Variants in REST observed in about 807,000 individuals in gnomAD.
REST encodes the protein RE1 silencing transcription factor.
A neutral mutation model predicts 30.4 loss-of-function variants in REST; 1 was observed. The observed-to-expected ratio is 0.03, with a 90% confidence interval of 0.01 to 0.16. The LOEUF is 0.16. Ranked by LOEUF, REST falls within the 10% of genes least tolerant of loss-of-function variation. REST has a pLI of 1.00. For synonymous variants in REST, 504 were observed against 451.1 expected, an observed-to-expected ratio of 1.12 and a Z score of -1.49; for missense variants, 1,259 against 1,329.5, an observed-to-expected ratio of 0.95 and a Z score of 0.82.
In REST at chr4:56,933,028, T is replaced by C. The variant is rs968315742; in HGVS notation, c.*876T>C. ...TTTGTGAGCAAATGAAATATGCAGG[T>C]TCAATCTATTGATTTTGATTTTTAC... On this transcript the variant is annotated 3_prime_UTR_variant, in exon 4 of 4. Coordinates refer to ENST00000309042, the MANE Select transcript of REST (RefSeq NM_005612.5). The C allele has an allele frequency of 6.6e-6, 1 of 152,114 alleles. No homozygotes were observed. The highest frequency in any genetic ancestry group is 1.5e-5 in the Non-Finnish European group (1 of 68,024). 9.4% of individuals were successfully genotyped at this position (152,114 alleles called of 1,614,324 possible).
At chr4:56,920,437 G>T (rs1220717280) in intron 3 of REST, among the ~76,000 whole-genome samples, 4 of 151,350 alleles carry the variant, frequency 2.6e-5, no homozygotes, top group Non-Finnish European at 5.9e-5. Context: ...GTCCACTCCA[G>T]TGACTGAAAC....
intron 2 of REST, among the ~76,000 whole-genome samples, chr4:56,916,692 CAA>C (rs1164147038): frequency 5.9e-5 from 9 of 152,116 alleles, no homozygotes; most frequent in African/African-American, 2.2e-4. Flanking sequence ...TTTGATTCTT[CAA>C]GTTTATCTGC....
intron 3 of REST, among the ~76,000 whole-genome samples, chr4:56,922,761 G>A (rs1036717481): frequency 1.3e-5 from 2 of 152,032 alleles, no homozygotes; most frequent in African/African-American, 4.8e-5. Flanking sequence ...TTCTGGATAT[G>A]TCCACTTGTT....
At position 56,932,115 on chromosome 4, in the gene REST, T is replaced by G; in HGVS notation, c.3257T>G (p.Val1086Gly). The change falls in exon 4 of 4, where the codon GTG becomes GGG. Residue 1086 changes from valine to glycine, a missense_variant. Coordinates refer to ENST00000309042, the MANE Select transcript of REST (RefSeq NM_005612.5). ...CACCTCAATCGCCATTTGGTTAATGTGTACTATCTTGAAGAAGCAGCTCAA... is the reference window on the plus strand; with the variant it reads ...CACCTCAATCGCCATTTGGTTAATGGGTACTATCTTGAAGAAGCAGCTCAA... The part of the protein sequence containing the change: ...SKHLNRHLVN[V>G]YYLEEAAQGQ... The G allele has an allele frequency of 6.2e-7, 1 of 1,613,288 alleles. No individual in the cohort carries two copies. The highest frequency in any genetic ancestry group is 8.5e-7 in the Non-Finnish European group (1 of 1,179,376).
intron 3 of REST, chr4:56,927,700 T>G: frequency 9.3e-7 from 1 of 1,071,266 alleles, no homozygotes; most frequent in Non-Finnish European, 1.2e-6. Context: ...CTCTTATGCC[T>G]TTAATTTGGG....
rs898034452 is a variant in REST, at chr4:56,932,726, A to C, written c.*574A>C. 6.6e-6 allele frequency: 1 copy of C among 152,154 alleles called. No individual in the cohort carries two copies. The highest frequency in any genetic ancestry group is 2.4e-5 in the African/African-American group (1 of 41,416). 9.4% of individuals were successfully genotyped at this position (152,154 alleles called of 1,614,324 possible). On this transcript the variant is annotated 3_prime_UTR_variant, in exon 4 of 4. Transcript: ENST00000309042. ...TGTGTATGTTAATCGTCATAAAAAC[A>C]GTGATTTTGGTGTGTTTTTTATTTT...
Position 56,919,276 on chromosome 4 carries a change from A to G in REST, c.899-511A>G, listed in dbSNP as rs1282426817. Among the ~76,000 whole-genome samples the G allele has an allele frequency of 2.6e-5, 4 of 152,128 alleles. No individual in the cohort carries two copies. The East Asian group carries it at 5.8e-4, about 22-fold the overall frequency. ...GTTGCCCAGGCTGGTCTGGAACTCT[A>G]CCACTTGAAAATTTTTAGCATAAAG... On this transcript the variant is annotated intron_variant, in intron 2 of 3. Transcript: ENST00000309042.
rs1281502988 is a variant in REST, at chr4:56,933,855, ATT to A, written c.*1708_*1709del. On this transcript the variant is annotated 3_prime_UTR_variant, in exon 4 of 4. Transcript: ENST00000309042. ...TTTTGAAATAACCACTTTATATTTC[ATT>A]TTTTAAAAATCTGATGATCTCTTTG... is the stretch of plus-strand genomic sequence containing the variant. 1 of 152,198 alleles carries A rather than the reference ATT, an allele frequency of 6.6e-6. No homozygotes were observed. The highest frequency in any genetic ancestry group is 1.5e-5 in the Non-Finnish European group (1 of 68,032). 9.4% of individuals were successfully genotyped at this position (152,198 alleles called of 1,614,324 possible).
chr4:56,911,028 T>C lies in REST; in HGVS notation c.390T>C (p.Ala130=), dbSNP rs767932145. The C allele has an allele frequency of 6.2e-7, 1 of 1,614,138 alleles. No individual in the cohort carries two copies. Among genetic ancestry groups the C allele is most frequent in the South Asian group, 1.1e-5 (1 of 91,086 alleles). ...AGCCTGTATTTGAGGCATCAGGTGC[T>C]CCAGATATTTACAGTTCAAATAAAG... ...EPQPVFEASG[A]PDIYSSNKDL... Residue 130 remains alanine, a synonymous_variant, in exon 2 of 4, where the codon GCT becomes GCC. Transcript: ENST00000309042.
At chr4:56,914,260 T>C (rs1009603677) in intron 2 of REST, among the ~76,000 whole-genome samples, 3 of 152,188 alleles carry the variant, frequency 2.0e-5, no homozygotes, top group Non-Finnish European at 2.9e-5. Flanking sequence ...TATTTACTTA[T>C]TTTTTATATC....
At chr4:56,909,563 T>C (rs1443275402) in intron 1 of REST, 1 of 152,286 alleles carries the variant, frequency 6.6e-6, no homozygotes, top group Non-Finnish European at 1.5e-5. Context: ...TTTTCTGTGA[T>C]GGCATTTGCT....
intron 2 of REST, among the ~76,000 whole-genome samples, chr4:56,912,998 A>C (rs1353639849): frequency 6.7e-6 from 1 of 148,794 alleles, no homozygotes; most frequent in Non-Finnish European, 1.5e-5. Context: ...GGGTCTCACT[A>C]TGTTGCCCAG....
intron 3 of REST, among the ~76,000 whole-genome samples, chr4:56,923,767 G>C (rs1274261536): frequency 2.0e-5 from 3 of 151,672 alleles, no homozygotes; most frequent in African/African-American, 7.3e-5. Flanking sequence ...TGTCGCCCAG[G>C]CTGGAGTGCA....
rs1181877521 is a variant in REST at position 56,931,155 on chromosome 4, C to G, written c.2297C>G (p.Ser766Cys). 1 of 1,608,104 alleles carries G rather than the reference C, an allele frequency of 6.2e-7. No homozygotes were observed. Among genetic ancestry groups the G allele is most frequent in the Non-Finnish European group, 8.5e-7 (1 of 1,175,410 alleles). Residue 766 changes from serine to cysteine, a missense_variant, in exon 4 of 4, where the codon TCT becomes TGT. Coordinates refer to ENST00000309042, the MANE Select transcript of REST (RefSeq NM_005612.5). The stretch of plus-strand genomic sequence containing the variant: ...AAGGAACCTGTTAAGATAGAGCTGT[C>G]TCCTCCCATAGAGGTGGTCCAGAAG... ...VQKEPVKIEL[S>C]PPIEVVQKEP... is the part of the protein sequence containing the mutation.
At position 56,931,398 on chromosome 4, in the gene REST, A is replaced by G. The variant is rs181578247; in HGVS notation, c.2540A>G (p.Asp847Gly). 8 of 1,614,256 alleles carry G rather than the reference A, an allele frequency of 5.0e-6. No homozygotes were observed. The East Asian group carries it at 1.8e-4, about 36-fold the overall frequency. ...LIEVGLVPVK[D>G]SWLLKESVST... Reference sequence around the variant, plus strand: ...GAAGTTGGCTTAGTGCCTGTTAAAGATAGCTGGCTTCTAAAGGAAAGTGTA... The same window carrying G: ...GAAGTTGGCTTAGTGCCTGTTAAAGGTAGCTGGCTTCTAAAGGAAAGTGTA... The change falls in exon 4 of 4, where the codon GAT becomes GGT. Residue 847 changes from aspartate (D) to glycine (G), a missense_variant. Around this residue, in one of 5 missense-constraint regions of REST, gnomAD observed 856 missense variants for 772.8 expected, o/e 1.11. Transcript: ENST00000309042.
At position 56,934,371 on chromosome 4, in the gene REST, G is replaced by C. The variant is rs1426183385; in HGVS notation, c.*2219G>C. 1 of 152,110 alleles carries C rather than the reference G, an allele frequency of 6.6e-6. No homozygotes were observed. The highest frequency in any genetic ancestry group is 1.5e-5 in the Non-Finnish European group (1 of 68,008). 9.4% of individuals were successfully genotyped at this position (152,110 alleles called of 1,614,324 possible). On this transcript the variant is annotated 3_prime_UTR_variant, in exon 4 of 4. Transcript: ENST00000309042. ...TTCATACTGCAAAGAAAAACCATTT[G>C]CCTTTTGGGGAATTGAGCTAACTTC...
In REST at chr4:56,930,897, T is replaced by C. The variant is rs1720935253; in HGVS notation, c.2039T>C (p.Ile680Thr). ...VEPAQMVGAQIVLAHMELPPP... is the reference protein window; with the variant it reads ...VEPAQMVGAQTVLAHMELPPP... ...CCTGCTCAGATGGTGGGTGCCCAAA[T>C]TGTACTTGCTCACATGGAGCTGCCT... is the stretch of plus-strand genomic sequence containing the variant. Residue 680 changes from isoleucine (I) to threonine (T), a missense_variant, in exon 4 of 4, where the codon ATT becomes ACT. Ile to Thr is a moderately conservative substitution (Grantham distance 89). Transcript: ENST00000309042. The C allele has an allele frequency of 1.9e-6, 3 of 1,612,634 alleles. No individual in the cohort carries two copies. The highest frequency in any genetic ancestry group is 2.5e-6 in the Non-Finnish European group (3 of 1,179,438).
In REST at chr4:56,917,879, G is replaced by A. The variant is rs568394800; in HGVS notation, c.899-1908G>A. On this transcript the variant is annotated intron_variant, in intron 2 of 3. Coordinates refer to ENST00000309042, the MANE Select transcript of REST (RefSeq NM_005612.5). ...ATCCTGGCTAACAAGGTGAAACCCCGTCTCTGCTAAAAATACCAAAAAATT... is the reference window on the plus strand; with the variant it reads ...ATCCTGGCTAACAAGGTGAAACCCCATCTCTGCTAAAAATACCAAAAAATT... 2.0e-4 allele frequency among the ~76,000 whole-genome samples: 30 copies of A among 151,642 alleles called. No individual in the cohort carries two copies. The South Asian group carries it at 4.6e-3, about 23-fold the overall frequency.
chr4:56,921,900 T>C (rs948674543), intron 3 of REST, among the ~76,000 whole-genome samples: 5 of 152,176 alleles, frequency 3.3e-5, no homozygotes, highest in African/African-American at 1.2e-4. Context: ...TACTAGAAAA[T>C]TTAAGATTAC....
Sources: gnomAD v4.1 joint callset for allele counts (sites outside exome capture counted in the v4.1 genomes callset) on GRCh38, gnomAD v4.1.1 for gene constraint, gnomAD v4.1.1 regional missense constraint, MANE v1.5 for transcripts, NCBI Gene and HGNC (gene_info 2026-07-23, HGNC 2026-07-21) for gene names.